PLAT: variants seen among roughly 807,000 people sequenced by gnomAD.
PLAT encodes plasminogen activator, tissue type.
A neutral mutation model predicts 74.9 loss-of-function variants in PLAT; 48 were observed. That is an observed-to-expected ratio of 0.64 (90% CI 0.51 to 0.82). The LOEUF is 0.82. PLAT is among the 40% of genes least tolerant of loss of function. The pLI is 0.00. For missense variants in PLAT, 673 were observed against 736.2 expected (o/e 0.91, Z 0.99); for synonymous variants, 307 against 294.4 (o/e 1.04, Z -0.44).
chr8:42,184,849 A>G (rs1279199352), intron 7 of PLAT: 3 of 390,518 alleles, frequency 7.7e-6, no homozygotes, highest in African/African-American at 2.1e-5. Context: ...TCCATAGAGG[A>G]GGAAATTGAG....
rs1805792012 is a variant in PLAT at position 42,194,004 on chromosome 8, GCGC to G, written c.-26-796_-26-794del. ...GGTGGGATTACAGGCGTGAGCCACCGCGCCCCCGCTGCCTTTTTTTCTTTTTCC... is the reference window on the plus strand; with the variant it reads ...GGTGGGATTACAGGCGTGAGCCACCGCCCCGCTGCCTTTTTTTCTTTTTCC... On this transcript the variant is annotated intron_variant, in intron 1 of 13. Coordinates refer to ENST00000220809, the MANE Select transcript of PLAT (RefSeq NM_000930.5). 7.8e-4 allele frequency among the ~76,000 whole-genome samples: 72 copies of G among 92,264 alleles called. No individual in the cohort carries two copies. The South Asian group carries it at 0.022, about 28-fold the overall frequency. The allele number at this position is 92,264 out of a possible 152,430, so 60.5% of individuals were successfully genotyped here.
At chr8:42,207,199 G>A (rs8178872) in intron 1 of PLAT, among the ~76,000 whole-genome samples, 3,997 of 152,186 alleles carry the variant, frequency 0.026, 97 homozygotes, top group East Asian at 0.088. Flanking sequence ...TTTCTGTATC[G>A]TTCTTTTCAC....
chr8:42,185,019 T>G, intron 7 of PLAT, 62 bp downstream of exon 7: 1 of 1,136,820 alleles, frequency 8.8e-7, no homozygotes, highest in Non-Finnish European at 1.3e-6. Context: ...GCTATCGGCC[T>G]GTCCTCCTGG....
rs540586282 is a variant in PLAT, at chr8:42,180,023, C to G, written c.1266G>C (p.Glu422Asp). ...GGCACACAGTGCGGACCACGCTGCTCTCCTGGGCACAGCGGGACGAATCCG... is the reference window on the plus strand; with the variant it reads ...GGCACACAGTGCGGACCACGCTGCTGTCCTGGGCACAGCGGGACGAATCCG... ...LKSDSSRCAQ[E>D]SSVVRTVCLP... The change falls in exon 12 of 14, where the codon GAG (glutamate) becomes GAC (aspartate). Residue 422 changes from glutamate to aspartate, a missense_variant. Transcript: ENST00000220809. 3.7e-5 allele frequency: 60 copies of G among 1,610,232 alleles called. 1 individual carries two copies. The South Asian group carries it at 5.7e-4, about 15-fold the overall frequency.
At chr8:42,193,800 C>G (rs1002089506) in intron 1 of PLAT, 13 of 151,902 alleles carry the variant, frequency 8.6e-5, no homozygotes, top group African/African-American at 3.2e-4. Context: ...ACTACAAGCT[C>G]CGCCTCCCGG....
intron 1 of PLAT, among the ~76,000 whole-genome samples, chr8:42,203,486 T>C (rs771415071): frequency 8.5e-5 from 13 of 152,120 alleles, no homozygotes; most frequent in Non-Finnish European, 1.9e-4. Flanking sequence ...TCAGGCAAAG[T>C]TGAGTTCAAA....
intron 3 of PLAT, among the ~76,000 whole-genome samples, chr8:42,190,095 AGAGGC>A (rs1805626855): frequency 6.6e-6 from 1 of 151,880 alleles, no homozygotes; most frequent in Non-Finnish European, 1.5e-5. Context: ...ATTTTTTTGT[AGAGGC>A]GGGGTGGGGT....
intron 1 of PLAT, among the ~76,000 whole-genome samples, chr8:42,204,865 AAAATT>A (rs1260419696): frequency 6.6e-6 from 1 of 152,108 alleles, no homozygotes; most frequent in African/African-American, 2.4e-5. Context: ...TAAAAATATA[AAAATT>A]AGCCGGGCGT....
intron 7 of PLAT, 197 bp downstream of exon 7, chr8:42,184,884 C>T (rs1174133034): frequency 4.3e-6 from 2 of 461,764 alleles, no homozygotes; most frequent in Non-Finnish European, 3.8e-6. Context: ...GAGATCAGCT[C>T]CAGGTCAGAC....
In PLAT at chr8:42,182,653, C is replaced by T. The variant is rs557717867; in HGVS notation, c.803+66G>A. On this transcript the variant is annotated intron_variant, in intron 8 of 13. Coordinates refer to ENST00000220809, the MANE Select transcript of PLAT (RefSeq NM_000930.5). The stretch of plus-strand genomic sequence containing the variant: ...CATGCAACTTGAGACATTGGATCTT[C>T]CCCCGTCTCACACCCTAATCCCACG... 7.9e-5 allele frequency: 98 copies of T among 1,242,380 alleles called. 2 individuals are homozygous for T. The South Asian group carries it at 8.4e-4, about 11-fold the overall frequency. The allele number at this position is 1,242,380 out of a possible 1,614,324, so 77.0% of individuals were successfully genotyped here.
intron 13 of PLAT, 113 bp downstream of exon 13, chr8:42,178,784 A>T: frequency 3.0e-6 from 3 of 1,012,152 alleles, no homozygotes; most frequent in South Asian, 1.6e-5. Flanking sequence ...GGGTATCACT[A>T]AGAGGAAATC....
chr8:42,182,269 A>G, intron 8 of PLAT: 1 of 414,140 alleles, frequency 2.4e-6, no homozygotes, highest in Non-Finnish European at 4.5e-6. Flanking sequence ...GACTCAGTCA[A>G]CCAATGAAAA....
At position 42,175,816 on chromosome 8, in the gene PLAT, T is replaced by C; in HGVS notation, c.*177A>G. On this transcript the variant is annotated 3_prime_UTR_variant, in exon 14 of 14. Transcript: ENST00000220809. ...TGAAATCAGACCAAGTCCTGAAAAC[T>C]TCCAAAATGGGAAGTATCTGGGAAA... 1.7e-6 allele frequency: 1 copy of C among 595,618 alleles called. No homozygotes were observed. Among genetic ancestry groups the C allele is most frequent in the Non-Finnish European group, 3.0e-6 (1 of 336,242 alleles). 36.9% of individuals were successfully genotyped at this position (595,618 alleles called of 1,614,324 possible).
intron 1 of PLAT, among the ~76,000 whole-genome samples, chr8:42,196,401 T>C (rs8178714): frequency 2.0e-5 from 3 of 152,070 alleles, no homozygotes; most frequent in Non-Finnish European, 4.4e-5. Flanking sequence ...GATAGCTCTG[T>C]CCGCATCACA....
chr8:42,206,456 T>A (rs886261527), intron 1 of PLAT, among the ~76,000 whole-genome samples: 17 of 152,160 alleles, frequency 1.1e-4, no homozygotes, highest in African/African-American at 4.1e-4. Flanking sequence ...GGAAGTCACC[T>A]TTGAGGGGAC....
chr8:42,189,497 G>A (rs941222027), intron 3 of PLAT, among the ~76,000 whole-genome samples: 5 of 151,688 alleles, frequency 3.3e-5, no homozygotes, highest in Admixed American at 1.3e-4. Context: ...CAGCCTGGGC[G>A]ACAGAGCAAG....
rs1476463301 is a variant in PLAT, at chr8:42,203,990, T to TAC, written c.-27+3503_-27+3504insGT. Among the ~76,000 whole-genome samples, 669 of 121,038 alleles carry TAC rather than the reference T, an allele frequency of 5.5e-3. 5 individuals carry two copies. Among genetic ancestry groups the TAC allele is most frequent in the South Asian group, 0.02 (82 of 4,192 alleles). 79.4% of individuals were successfully genotyped at this position (121,038 alleles called of 152,430 possible). A position where few individuals can be genotyped will look rare whatever the true frequency, so the allele number is the denominator to read the frequency against. On this transcript the variant is annotated intron_variant, in intron 1 of 13. Transcript: ENST00000220809. ...TAAATTATATATATATATATATATA[T>TAC]ATACACACACACACACACACACACA...
In PLAT at chr8:42,179,925, C is replaced by T; in HGVS notation, c.1363+1G>A. The T allele has an allele frequency of 1.9e-6, 3 of 1,587,110 alleles. No homozygotes were observed. The highest frequency in any genetic ancestry group is 2.6e-6 in the Non-Finnish European group (3 of 1,163,878). ...TGGGGCCGAGACTTCCTTCCACTTA[C>T]AGGCCTCATGCTTGCCGTAGCCGGA... is the stretch of plus-strand genomic sequence containing the variant. On this transcript the variant is annotated splice_donor_variant, in intron 12 of 13. Coordinates refer to ENST00000220809, the MANE Select transcript of PLAT (RefSeq NM_000930.5). LOFTEE classifies it high-confidence loss of function.
At chr8:42,176,473 C>T (rs1254628956) in intron 13 of PLAT, among the ~76,000 whole-genome samples, 1 of 152,162 alleles carries the variant, frequency 6.6e-6, no homozygotes, top group Non-Finnish European at 1.5e-5. Context: ...AGGATGGTGG[C>T]GTCTGTCCAG....
Sources: gnomAD v4.1 joint callset for allele counts (sites outside exome capture counted in the v4.1 genomes callset) on GRCh38, gnomAD v4.1.1 for gene constraint, MANE v1.5 for transcripts, NCBI Gene and HGNC (gene_info 2026-07-23, HGNC 2026-07-21) for gene names.